The following MGAT4C variants were observed in gnomAD, a reference collection of about 807,000 sequenced individuals.
The protein encoded by MGAT4C is alpha-1,3-mannosyl-glycoprotein 4-beta-N-acetylglucosaminyltransferase C.
A neutral mutation model predicts 40.1 loss-of-function variants in MGAT4C; 19 were observed. The observed-to-expected ratio is 0.47, with a 90% CI of 0.33 to 0.70. The LOEUF is 0.70. MGAT4C is among the 30% of genes least tolerant of loss of function. MGAT4C has a pLI of 0.02. For synonymous variants in MGAT4C, 181 were observed against 187.1 expected, an observed-to-expected ratio of 0.97 and a Z score of 0.27; for missense variants, 491 against 563.2, an observed-to-expected ratio of 0.87 and a Z score of 1.30.
chr12:86,600,420 T>C (rs1389262258), intron 2 of MGAT4C, among the ~76,000 whole-genome samples: 1 of 152,212 alleles, frequency 6.6e-6, no homozygotes, highest in Non-Finnish European at 1.5e-5. Context: ...CATGATGTGA[T>C]CTCATGATCT....
intron 2 of MGAT4C, among the ~76,000 whole-genome samples, chr12:86,003,145 G>T (rs976244604): frequency 6.6e-6 from 1 of 152,088 alleles, no homozygotes; most frequent in Non-Finnish European, 1.5e-5. Context: ...ATAAATGTGT[G>T]CTTATATAAG....
At chr12:86,387,423 T>G (rs1188111079) in intron 3 of MGAT4C, among the ~76,000 whole-genome samples, 1 of 152,106 alleles carries the variant, frequency 6.6e-6, no homozygotes, top group Non-Finnish European at 1.5e-5. Flanking sequence ...TTATTATCAA[T>G]CTAGAATTGA....
At chr12:86,472,218 G>C (rs1310362450) in intron 2 of MGAT4C, among the ~76,000 whole-genome samples, 1 of 152,046 alleles carries the variant, frequency 6.6e-6, no homozygotes, top group African/African-American at 2.4e-5. Context: ...TGCCTCCAGC[G>C]ACTGTAGGCC....
In MGAT4C at chr12:86,147,399, G is replaced by A. The variant is rs531355825; in HGVS notation, c.-56-97676C>T. ...TGGGACTACAGGCACCCGCCACCACGCCCAGCTAATTTTTTGTATTTTTAG... is the reference window on the plus strand; with the variant it reads ...TGGGACTACAGGCACCCGCCACCACACCCAGCTAATTTTTTGTATTTTTAG... On this transcript the variant is annotated intron_variant, in intron 1 of 4. Coordinates refer to ENST00000611864, the MANE Select transcript of MGAT4C (RefSeq NM_001351288.2). Among the ~76,000 whole-genome samples the A allele has an allele frequency of 4.9e-4, 74 of 152,104 alleles. No individual in the cohort carries two copies. In the East Asian group the frequency reaches 0.013, roughly 26 times the overall value.
At chr12:86,792,302 T>C (rs1648205058) in intron 1 of MGAT4C, among the ~76,000 whole-genome samples, 1 of 152,196 alleles carries the variant, frequency 6.6e-6, no homozygotes, top group African/African-American at 2.4e-5. Flanking sequence ...CCAATACTTG[T>C]TTAAAATGTT....
chr12:86,117,001 T>G (rs1878536693), intron 1 of MGAT4C, among the ~76,000 whole-genome samples: 1 of 152,130 alleles, frequency 6.6e-6, no homozygotes, highest in Non-Finnish European at 1.5e-5. Context: ...ATAATATTAA[T>G]GGTAAATTAT....
intron 2 of MGAT4C, among the ~76,000 whole-genome samples, chr12:86,437,220 G>A (rs1421449360): frequency 6.6e-6 from 1 of 151,638 alleles, no homozygotes; most frequent in Non-Finnish European, 1.5e-5. Flanking sequence ...AATTCTTAAT[G>A]CTTATATTTT....
chr12:86,225,660 A>G (rs1483903331), intron 1 of MGAT4C, among the ~76,000 whole-genome samples: 8 of 152,128 alleles, frequency 5.3e-5, no homozygotes, highest in African/African-American at 1.9e-4. Context: ...AATCGATGTG[A>G]TACAGCACAT....
intron 1 of MGAT4C, among the ~76,000 whole-genome samples, chr12:86,818,690 A>G (rs1036166359): frequency 6.6e-6 from 1 of 151,258 alleles, no homozygotes; most frequent in Non-Finnish European, 1.5e-5. Flanking sequence ...CTTCTAAAGA[A>G]AAAACGACAA....
chr12:86,677,390 A>T (rs144563466), intron 2 of MGAT4C, among the ~76,000 whole-genome samples: 7 of 152,290 alleles, frequency 4.6e-5, no homozygotes, highest in Non-Finnish European at 7.4e-5. Flanking sequence ...CAATGGCTAT[A>T]GAGCTATGTA....
At chr12:86,641,171 A>G (rs1349327385) in intron 2 of MGAT4C, among the ~76,000 whole-genome samples, 1 of 151,758 alleles carries the variant, frequency 6.6e-6, no homozygotes. Flanking sequence ...CTTATACACC[A>G]TGGAATACTA....
intron 2 of MGAT4C, among the ~76,000 whole-genome samples, chr12:86,516,634 T>A (rs1284966748): frequency 6.6e-6 from 1 of 152,018 alleles, no homozygotes; most frequent in Non-Finnish European, 1.5e-5. Context: ...TTATAAAAAT[T>A]ATAAAATTTT....
intron 2 of MGAT4C, among the ~76,000 whole-genome samples, chr12:86,470,649 A>G (rs1957745254): frequency 6.6e-6 from 1 of 152,132 alleles, no homozygotes; most frequent in Admixed American, 6.6e-5. Context: ...TATAAATACT[A>G]TTTAGACTTA....
chr12:86,545,507 G>A (rs540954437), intron 2 of MGAT4C, among the ~76,000 whole-genome samples: 21 of 151,606 alleles, frequency 1.4e-4, no homozygotes, highest in East Asian at 1.9e-4. Context: ...ATTACATCTC[G>A]TTGCCAGATT....
At position 86,389,737 on chromosome 12, in the gene MGAT4C, A is replaced by T. The variant is rs145663111; in HGVS notation, c.-120+45420T>A. On this transcript the variant is annotated intron_variant, in intron 3 of 7. Transcript: ENST00000548651. The stretch of plus-strand genomic sequence containing the variant: ...TAAGTATCAAATTATTATGTTTTAC[A>T]GTATGTTATATCTAATGCTGAAGGT... 6.4e-3 allele frequency among the ~76,000 whole-genome samples: 972 copies of T among 152,324 alleles called. 10 individuals are homozygous for T. The highest frequency in any genetic ancestry group is 0.022 in the African/African-American group (928 of 41,570).
chr12:86,569,539 A>T lies in MGAT4C; in HGVS notation c.-228-134274T>A, dbSNP rs142816370. On this transcript the variant is annotated intron_variant, in intron 2 of 7. Transcript: ENST00000548651. ...TTTATCAAAAAGACAAAAATACCCC[A>T]AATTAAATGTTGGTGAAGATGTAAA... is the stretch of plus-strand genomic sequence containing the variant. Among the ~76,000 whole-genome samples, 827 of 152,216 alleles carry T rather than the reference A, an allele frequency of 5.4e-3. 4 individuals are homozygous for T. Among genetic ancestry groups the T allele is most frequent in the Non-Finnish European group, 9.0e-3 (615 of 67,982 alleles).
At chr12:86,356,427 T>C (rs573548135) in intron 3 of MGAT4C, among the ~76,000 whole-genome samples, 2 of 152,096 alleles carry the variant, frequency 1.3e-5, no homozygotes, top group Non-Finnish European at 2.9e-5. Flanking sequence ...AGATGGGTGA[T>C]TTTTGCATTT....
rs1003921083 is a variant in MGAT4C at position 86,303,803 on chromosome 12, A to G, written c.-57+30262T>C. On this transcript the variant is annotated intron_variant, in intron 4 of 7. Transcript: ENST00000548651. ...TTTTGCTAGAACATATTAGTTTTCA[A>G]TGGATTAAATATCTAAGAATGTGGT... is the stretch of plus-strand genomic sequence containing the variant. 3.3e-5 allele frequency among the ~76,000 whole-genome samples: 5 copies of G among 150,526 alleles called. 1 individual carries two copies. The highest frequency in any genetic ancestry group is 2.0e-4 in the Admixed American group (3 of 15,214).
chr12:86,698,853 T>G (rs1159193429), intron 2 of MGAT4C, among the ~76,000 whole-genome samples: 1 of 152,104 alleles, frequency 6.6e-6, no homozygotes, highest in African/African-American at 2.4e-5. Context: ...AATTGCCTAG[T>G]GTTAGAGCTG....
Sources: allele counts gnomAD v4.1 joint callset (sites outside exome capture counted in the v4.1 genomes callset), GRCh38; gene constraint gnomAD v4.1.1; transcripts MANE v1.5; gene names NCBI Gene and HGNC (gene_info 2026-07-23, HGNC 2026-07-21).